Variants in ME3 observed in about 807,000 individuals in gnomAD.
ME3 encodes the protein NADP-dependent malic enzyme, mitochondrial.
A neutral mutation model predicts 68.9 loss-of-function variants in ME3; 48 were observed. That is an observed-to-expected ratio of 0.70 (90% CI 0.55 to 0.89). The LOEUF (loss-of-function observed/expected upper bound fraction) is 0.89, where lower values mean the gene tolerates loss of function less well. Ranked by LOEUF, ME3 falls within the 40% of genes least tolerant of loss-of-function variation. ME3 has a pLI of 0.00. For missense variants in ME3, 675 were observed against 797.4 expected, an observed-to-expected ratio of 0.85 and a Z score of 1.85; for synonymous variants, 320 against 318.8, an observed-to-expected ratio of 1.00 and a Z score of -0.04.
intron 4 of ME3, among the ~76,000 whole-genome samples, chr11:86,534,565 C>T (rs186404016): frequency 6.6e-6 from 1 of 152,200 alleles, no homozygotes; most frequent in Non-Finnish European, 1.5e-5. Context: ...ATCCCAGCTA[C>T]TCGGGAGACT....
At chr11:86,508,702 A>G in intron 5 of ME3, 90 bp downstream of exon 5, 1 of 1,248,756 alleles carries the variant, frequency 8.0e-7, no homozygotes, top group East Asian at 2.4e-5. Flanking sequence ...CAGTGTCATA[A>G]TGGCTCATTT....
intron 2 of ME3, among the ~76,000 whole-genome samples, chr11:86,667,082 G>A (rs1286871403): frequency 6.6e-6 from 1 of 152,222 alleles, no homozygotes; most frequent in South Asian, 2.1e-4. Context: ...AGCCTTTGCA[G>A]GTTTACTGCT....
chr11:86,649,590 T>C lies in ME3; in HGVS notation c.183+22172A>G, dbSNP rs574236350. ...CCATCGTCTCAACCCAAAAACTCTT[T>C]AAGCTGACAAGCAACTTCAGTAAAG... On this transcript the variant is annotated intron_variant, in intron 2 of 14. Coordinates refer to ENST00000543262, the Ensembl canonical transcript of ME3. 1.9e-3 allele frequency among the ~76,000 whole-genome samples: 293 copies of C among 152,346 alleles called. 2 individuals carry two copies. The highest frequency in any genetic ancestry group is 3.6e-3 in the Non-Finnish European group (244 of 68,030).
rs143306486 is a variant in ME3, at chr11:86,648,608, C to T, written c.183+23154G>A. ...CTAGAACGATTCTTCTCCTTTTCTT[C>T]TTTATTAATCTAATAGACATAATAA... On this transcript the variant is annotated intron_variant, in intron 2 of 14. Transcript: ENST00000543262. Among the ~76,000 whole-genome samples the T allele has an allele frequency of 7.0e-3, 1,058 of 151,986 alleles. 6 individuals carry two copies. The highest frequency in any genetic ancestry group is 0.01 in the Non-Finnish European group (703 of 67,948).
At chr11:86,483,661 A>G (rs890413986) in intron 7 of ME3, among the ~76,000 whole-genome samples, 2 of 152,192 alleles carry the variant, frequency 1.3e-5, no homozygotes, top group African/African-American at 4.8e-5. Flanking sequence ...CCCTTCTTTA[A>G]CACTCTCATC....
At chr11:86,480,399 T>C (rs1019120605) in intron 7 of ME3, among the ~76,000 whole-genome samples, 1 of 152,202 alleles carries the variant, frequency 6.6e-6, no homozygotes, top group African/African-American at 2.4e-5. Flanking sequence ...AATTCCCAAA[T>C]AGGCATATTT....
chr11:86,622,980 CAGTT>C (rs1327368517), intron 2 of ME3: 1 of 152,190 alleles, frequency 6.6e-6, no homozygotes, highest in Non-Finnish European at 1.5e-5. Context: ...TTCTGTGTCT[CAGTT>C]AACACGCCTG....
At chr11:86,488,409 C>T (rs988869783) in intron 6 of ME3, among the ~76,000 whole-genome samples, 5 of 152,042 alleles carry the variant, frequency 3.3e-5, no homozygotes, top group African/African-American at 1.2e-4. Context: ...TCTCTCCCTC[C>T]CTCCTTGAAA....
chr11:86,659,618 G>A lies in ME3; in HGVS notation c.183+12144C>T, dbSNP rs144067540. ...GTATGCAAGTATTTATTAACTACCC[G>A]TGGCAGTGTGGATGGAGACTATCTT... is the stretch of plus-strand genomic sequence containing the variant. On this transcript the variant is annotated intron_variant, in intron 2 of 14. Coordinates refer to ENST00000543262, the Ensembl canonical transcript of ME3. 8.8e-3 allele frequency among the ~76,000 whole-genome samples: 1,340 copies of A among 152,284 alleles called. 27 individuals are homozygous for A. The highest frequency in any genetic ancestry group is 0.03 in the African/African-American group (1,251 of 41,568).
At chr11:86,484,130 GCCA>G (rs1951564735) in intron 7 of ME3, among the ~76,000 whole-genome samples, 1 of 152,190 alleles carries the variant, frequency 6.6e-6, no homozygotes, top group African/African-American at 2.4e-5. Context: ...CAGGAACTGA[GCCA>G]TAGTAAGTTT....
intron 2 of ME3, among the ~76,000 whole-genome samples, chr11:86,584,237 G>C (rs1958607143): frequency 6.6e-6 from 1 of 152,102 alleles, no homozygotes; most frequent in South Asian, 2.1e-4. Context: ...CTAATCATTA[G>C]GGAAATGCAA....
chr11:86,457,671 C>G, intron 8 of ME3: 1 of 1,286,654 alleles, frequency 7.8e-7, no homozygotes, highest in Non-Finnish European at 1.0e-6. Flanking sequence ...GAGGTAACCA[C>G]TCTGAGAAGC....
At chr11:86,624,111 G>A (rs1256139611) in intron 2 of ME3, among the ~76,000 whole-genome samples, 1 of 152,150 alleles carries the variant, frequency 6.6e-6, no homozygotes, top group Non-Finnish European at 1.5e-5. Flanking sequence ...TAAACTTTGG[G>A]AGCTGTGGGG....
At chr11:86,447,721 G>A (rs1949390961) in intron 11 of ME3, among the ~76,000 whole-genome samples, 1 of 152,098 alleles carries the variant, frequency 6.6e-6, no homozygotes, top group African/African-American at 2.4e-5. Flanking sequence ...AGCCAGGCAT[G>A]GTGGCGGGCA....
chr11:86,534,081 G>GTGTGTA (rs1361825219), intron 4 of ME3, among the ~76,000 whole-genome samples: 5 of 127,508 alleles, frequency 3.9e-5, no homozygotes, highest in African/African-American at 1.3e-4. Context: ...GTGTGTGTGT[G>GTGTGTA]TATATATATA....
At chr11:86,615,042 C>T (rs1027205846) in intron 2 of ME3, among the ~76,000 whole-genome samples, 11 of 152,166 alleles carry the variant, frequency 7.2e-5, no homozygotes, top group East Asian at 5.8e-4. Flanking sequence ...AAAAATATCA[C>T]GGAGTATGAA....
intron 2 of ME3, among the ~76,000 whole-genome samples, chr11:86,581,800 C>T (rs1015265113): frequency 1.3e-5 from 2 of 152,170 alleles, no homozygotes; most frequent in African/African-American, 4.8e-5. Context: ...GGATTCCTCA[C>T]CACTCAACCT....
At position 86,560,748 on chromosome 11, in the gene ME3, G is replaced by GTATATATATATATATATATATA. The variant is rs142056305; in HGVS notation, c.184-947_184-926dup. ...TGTATGTGTGTGTGTGTGTGTGTGT[G>GTATATATATATATATATATATA]TATATATATATATATATATATATAT... On this transcript the variant is annotated intron_variant, in intron 2 of 14. Transcript: ENST00000543262. Among the ~76,000 whole-genome samples the GTATATATATATATATATATATA allele has an allele frequency of 1.5e-3, 92 of 62,442 alleles. 1 individual carries two copies. The highest frequency in any genetic ancestry group is 5.1e-3 in the African/African-American group (86 of 16,848). 41.0% of individuals were successfully genotyped at this position (62,442 alleles called of 152,430 possible). A position where few individuals can be genotyped will look rare whatever the true frequency, so the allele number is the denominator to read the frequency against.
chr11:86,651,218 T>A (rs1182841200), intron 2 of ME3, among the ~76,000 whole-genome samples: 1 of 152,172 alleles, frequency 6.6e-6, no homozygotes. Context: ...GACTTAAATG[T>A]CCCTGTCTGA....
Sources: allele counts gnomAD v4.1 joint callset (sites outside exome capture counted in the v4.1 genomes callset), GRCh38; gene constraint gnomAD v4.1.1; transcripts MANE v1.5; gene names NCBI Gene and HGNC (gene_info 2026-07-23, HGNC 2026-07-21).